The following PINX1 variants were observed in gnomAD, a reference collection of about 807,000 sequenced individuals.
The protein encoded by PINX1 is PIN2/TERF1-interacting telomerase inhibitor 1.
In PINX1, 34 loss-of-function variants were observed where a neutral mutation model predicts 25.4. The observed-to-expected ratio is 1.34, with a 90% CI of 1.02 to 1.78. The LOEUF is 1.78. Among genes scored for constraint, PINX1 ranks in the 40% most tolerant of loss-of-function variants. The pLI is 0.00. For missense variants in PINX1, 592 were observed against 404.9 expected (o/e 1.46, Z -3.97); for synonymous variants, 197 against 147.7 (o/e 1.33, Z -2.42).
intron 6 of PINX1, among the ~76,000 whole-genome samples, chr8:10,783,452 T>C (rs974357666): frequency 1.3e-5 from 2 of 152,184 alleles, no homozygotes; most frequent in Admixed American, 1.3e-4. Flanking sequence ...TTTGCAGATA[T>C]GGTCTTTTTT....
chr8:10,809,658 AGAG>A (rs1444854662), intron 6 of PINX1, among the ~76,000 whole-genome samples: 2 of 152,220 alleles, frequency 1.3e-5, no homozygotes, highest in African/African-American at 2.4e-5. Context: ...GTGAAGTTCA[AGAG>A]GAGGACAGAT....
intron 1 of PINX1, among the ~76,000 whole-genome samples, chr8:10,835,965 G>A (rs909025387): frequency 6.6e-6 from 1 of 152,088 alleles, no homozygotes; most frequent in South Asian, 2.1e-4. Flanking sequence ...AAGGTTCAAA[G>A]CACAAGAATG....
chr8:10,833,976 T>C (rs985289164), intron 2 of PINX1, among the ~76,000 whole-genome samples: 4 of 152,148 alleles, frequency 2.6e-5, no homozygotes, highest in Non-Finnish European at 5.9e-5. Context: ...GCTATTGAAT[T>C]TACAAATCTA....
At position 10,839,829 on chromosome 8, in the gene PINX1, G is replaced by T. The variant is rs562579320; in HGVS notation, c.-73C>A. The T allele has an allele frequency of 5.8e-5, 84 of 1,446,804 alleles. No homozygotes were observed. In the East Asian group the frequency reaches 1.8e-3, roughly 31 times the overall value. 89.6% of individuals were successfully genotyped at this position (1,446,804 alleles called of 1,614,324 possible). On this transcript the variant is annotated 5_prime_UTR_variant, in exon 1 of 7. Coordinates refer to ENST00000314787, the MANE Select transcript of PINX1 (RefSeq NM_017884.6). ...CCACTGGGCGGGCTGGAGACTCCAG[G>T]AGAATCAGGACGTGCGTAACTCCCT...
At chr8:10,836,490 A>T (rs995869663) in intron 1 of PINX1, among the ~76,000 whole-genome samples, 33 of 152,206 alleles carry the variant, frequency 2.2e-4, no homozygotes, top group Admixed American at 2.6e-4. Context: ...TAGGGCTTGT[A>T]CGAAGGAGAC....
chr8:10,815,010 G>A (rs1027527580), intron 6 of PINX1, among the ~76,000 whole-genome samples: 2 of 151,586 alleles, frequency 1.3e-5, no homozygotes, highest in African/African-American at 4.8e-5. Flanking sequence ...CGTGATGATA[G>A]CTCACTGCAG....
At chr8:10,827,211 G>T (rs1217737068) in intron 4 of PINX1, among the ~76,000 whole-genome samples, 2 of 152,146 alleles carry the variant, frequency 1.3e-5, no homozygotes, top group African/African-American at 4.8e-5. Context: ...GTAAATAAAG[G>T]TAAGACAGGT....
chr8:10,793,884 C>G (rs1480819161), intron 6 of PINX1, among the ~76,000 whole-genome samples: 1 of 151,966 alleles, frequency 6.6e-6, no homozygotes, highest in East Asian at 1.9e-4. Context: ...AGATTTAACT[C>G]AAGATAAACT....
intron 6 of PINX1, 33 bp from the exon 7 acceptor site, chr8:10,765,949 A>T: frequency 6.2e-7 from 1 of 1,602,522 alleles, no homozygotes; most frequent in South Asian, 1.1e-5. Context: ...AAGGCAGGTA[A>T]GCATCAACTG....
At chr8:10,834,554 C>A (rs1798335896) in intron 2 of PINX1, 112 bp downstream of exon 2, 1 of 1,421,398 alleles carries the variant, frequency 7.0e-7, no homozygotes, top group African/African-American at 1.4e-5. Context: ...GGATCAAAAT[C>A]ACTTACTGAT....
intron 6 of PINX1, among the ~76,000 whole-genome samples, chr8:10,802,039 C>G (rs1463249636): frequency 2.6e-5 from 4 of 151,806 alleles, no homozygotes; most frequent in Non-Finnish European, 5.9e-5. Flanking sequence ...ATCCTACTGA[C>G]AAACTGGAAG....
intron 6 of PINX1, chr8:10,787,630 G>A (rs1801793724): frequency 6.2e-6 from 2 of 320,202 alleles, no homozygotes. Flanking sequence ...TTACCTTTTG[G>A]TAAAAAGCCA....
Position 10,765,155 on chromosome 8 carries a change from G to C in PINX1, c.*246C>G. The stretch of plus-strand genomic sequence containing the variant: ...ATTATAATTAAACTCTCTTGCTGAA[G>C]GGCTCAGAGTTTACAAAAAAATTTA... On this transcript the variant is annotated 3_prime_UTR_variant, in exon 7 of 7. Transcript: ENST00000314787. The C allele has an allele frequency of 6.0e-6, 3 of 495,948 alleles. No individual in the cohort carries two copies. In the South Asian group the frequency reaches 1.1e-4, roughly 19 times the overall value. 30.7% of individuals were successfully genotyped at this position (495,948 alleles called of 1,614,324 possible). A position where few individuals can be genotyped will look rare whatever the true frequency, so the allele number is the denominator to read the frequency against.
chr8:10,778,689 G>C (rs967740111), intron 6 of PINX1, among the ~76,000 whole-genome samples: 1 of 152,162 alleles, frequency 6.6e-6, no homozygotes, highest in Non-Finnish European at 1.5e-5. Flanking sequence ...ACATTTATTT[G>C]ATCCTGGAAC....
In PINX1 at chr8:10,839,836, A is replaced by C; in HGVS notation, c.-80T>G. ...GCGGGCTGGAGACTCCAGGAGAATC[A>C]GGACGTGCGTAACTCCCTCGCCGGC... On this transcript the variant is annotated 5_prime_UTR_variant, in exon 1 of 7. Transcript: ENST00000314787. The C allele has an allele frequency of 7.2e-7, 1 of 1,389,770 alleles. No homozygotes were observed. Among genetic ancestry groups the C allele is most frequent in the South Asian group, 1.3e-5 (1 of 79,424 alleles). 86.1% of individuals were successfully genotyped at this position (1,389,770 alleles called of 1,614,324 possible).
At chr8:10,797,925 G>A (rs372372868) in intron 6 of PINX1, among the ~76,000 whole-genome samples, 2 of 152,236 alleles carry the variant, frequency 1.3e-5, no homozygotes, top group African/African-American at 4.8e-5. Context: ...ACCAATGCAT[G>A]CAGGTGGGAC....
intron 6 of PINX1, chr8:10,771,199 G>C (rs185414662): frequency 6.6e-6 from 1 of 152,318 alleles, no homozygotes; most frequent in African/African-American, 2.4e-5. Flanking sequence ...CTTCAGGTAT[G>C]AAGTGACTGT....
intron 5 of PINX1, 184 bp from the exon 6 acceptor site, chr8:10,820,453 A>G: frequency 1.5e-6 from 1 of 647,748 alleles, no homozygotes. Context: ...AATTAATTAA[A>G]TTTTAAAACC....
chr8:10,776,712 G>C (rs1801408467), intron 6 of PINX1, among the ~76,000 whole-genome samples: 1 of 152,100 alleles, frequency 6.6e-6, no homozygotes. Context: ...GTCAGGAAGG[G>C]ACCACGAGGA....
Sources: gnomAD v4.1 joint callset for allele counts (sites outside exome capture counted in the v4.1 genomes callset) on GRCh38, gnomAD v4.1.1 for gene constraint, MANE v1.5 for transcripts, NCBI Gene and HGNC (gene_info 2026-07-23, HGNC 2026-07-21) for gene names.